CHD9: variants seen among roughly 807,000 people sequenced by gnomAD.
CHD9 encodes chromodomain helicase DNA binding protein 9.
CHD9 carries 77 observed loss-of-function variants against 316.1 expected under a neutral mutation model. The observed-to-expected ratio is 0.24, with a 90% CI of 0.20 to 0.29. CHD9 has a LOEUF of 0.29. Among genes scored for constraint, CHD9 ranks in the 10% least tolerant of loss-of-function variants. The pLI, the probability that CHD9 is intolerant of heterozygous loss-of-function variation, is 1.00. For synonymous variants in CHD9, 1,129 were observed against 1,158.3 expected (o/e 0.97, Z 0.51); for missense variants, 2,763 against 3,438.1 (o/e 0.80, Z 4.91).
chr16:53,199,769 TA>T (rs2045274125), intron 2 of CHD9, among the ~76,000 whole-genome samples: 1 of 152,164 alleles, frequency 6.6e-6, no homozygotes, highest in Non-Finnish European at 1.5e-5. Flanking sequence ...TCTTGACCAT[TA>T]AACTATTCTT....
intron 1 of CHD9, among the ~76,000 whole-genome samples, chr16:53,104,018 A>G (rs1419937544): frequency 2.0e-5 from 3 of 152,200 alleles, no homozygotes; most frequent in African/African-American, 4.8e-5. Flanking sequence ...TTCATTGCAC[A>G]GGATTCTTGC....
intron 22 of CHD9, among the ~76,000 whole-genome samples, chr16:53,271,785 TAAA>T (rs1404012119): frequency 6.6e-6 from 1 of 151,860 alleles, no homozygotes; most frequent in African/African-American, 2.4e-5. Context: ...AATGAAAAAG[TAAA>T]AAGAAGATTG....
chr16:53,073,706 G>T (rs930098191), intron 1 of CHD9, among the ~76,000 whole-genome samples: 1 of 152,170 alleles, frequency 6.6e-6, no homozygotes, highest in Non-Finnish European at 1.5e-5. Flanking sequence ...AGGGGTTTTT[G>T]CTTTTGCATC....
At position 53,284,076 on chromosome 16, in the gene CHD9, A is replaced by G. The variant is rs537726021; in HGVS notation, c.4968-1520A>G. 4.6e-5 allele frequency among the ~76,000 whole-genome samples: 7 copies of G among 152,244 alleles called. 1 individual carries two copies. The South Asian group carries it at 8.3e-4, about 18-fold the overall frequency. ...TTTATATAAAAATTTGAGTTTCCAA[A>G]GACAGCCAACTTAGAATCTAACTTT... On this transcript the variant is annotated intron_variant, in intron 24 of 38. Coordinates refer to ENST00000447540, the MANE Select transcript of CHD9 (RefSeq NM_001308319.2).
chr16:53,255,322 A>T (rs60284226), intron 18 of CHD9, among the ~76,000 whole-genome samples: 5,053 of 152,276 alleles, frequency 0.033, 292 homozygotes, highest in African/African-American at 0.11. Flanking sequence ...AAGAAAAAAA[A>T]TAAAAAATAA....
Position 53,324,995 on chromosome 16 carries a change from C to A in CHD9, c.*100C>A. 1 of 992,090 alleles carries A rather than the reference C, an allele frequency of 1.0e-6. No homozygotes were observed. The highest frequency in any genetic ancestry group is 1.4e-6 in the Non-Finnish European group (1 of 695,678). The allele number at this position is 992,090 out of a possible 1,614,324, so 61.5% of individuals were successfully genotyped here. ...GTTGAGTGCATCAATAACTTACTGA[C>A]CGAACATTTCAGTTATTTGTTTAGA... On this transcript the variant is annotated 3_prime_UTR_variant, in exon 39 of 39. Transcript: ENST00000447540.
At chr16:53,175,935 T>C (rs980404255) in intron 2 of CHD9, among the ~76,000 whole-genome samples, 5 of 152,198 alleles carry the variant, frequency 3.3e-5, no homozygotes, top group East Asian at 3.8e-4. Flanking sequence ...GATTCAAAGA[T>C]AGGAGGCAGG....
intron 1 of CHD9, among the ~76,000 whole-genome samples, chr16:53,093,158 C>T (rs1406815424): frequency 6.6e-6 from 1 of 152,218 alleles, no homozygotes; most frequent in Admixed American, 6.5e-5. Context: ...GCCTCTCAGG[C>T]ACTAGGGCCA....
Position 53,194,103 on chromosome 16 carries a change from C to T in CHD9, c.1453-15379C>T, listed in dbSNP as rs1262970276. Among the ~76,000 whole-genome samples the T allele has an allele frequency of 2.6e-5, 4 of 152,086 alleles. No homozygotes were observed. The East Asian group carries it at 5.8e-4, about 22-fold the overall frequency. On this transcript the variant is annotated intron_variant, in intron 2 of 38. Coordinates refer to ENST00000447540, the MANE Select transcript of CHD9 (RefSeq NM_001308319.2). Reference sequence around the variant, plus strand: ...TGTCTAAGAAGGCTGGACACAGTGGCTTATGCCGTAATCCCAGTGCTGTGA... The same window carrying T: ...TGTCTAAGAAGGCTGGACACAGTGGTTTATGCCGTAATCCCAGTGCTGTGA...
chr16:53,258,182 A>G (rs952517282), intron 19 of CHD9, among the ~76,000 whole-genome samples: 2 of 152,288 alleles, frequency 1.3e-5, no homozygotes, highest in African/African-American at 2.4e-5. Context: ...ACCTTGAACA[A>G]TTAACCTCTT....
chr16:53,061,434 T>C (rs1214200123), intron 1 of CHD9, among the ~76,000 whole-genome samples: 1 of 152,116 alleles, frequency 6.6e-6, no homozygotes, highest in Non-Finnish European at 1.5e-5. Flanking sequence ...TGTGTCATAG[T>C]TGTAGTTTCC....
intron 37 of CHD9, among the ~76,000 whole-genome samples, chr16:53,320,872 T>C (rs879723343): frequency 6.6e-6 from 1 of 152,188 alleles, no homozygotes. Context: ...GTATTGGTTT[T>C]TGAGACCTAG....
chr16:53,152,311 A>G (rs1220753532), intron 1 of CHD9, among the ~76,000 whole-genome samples: 1 of 152,148 alleles, frequency 6.6e-6, no homozygotes, highest in Non-Finnish European at 1.5e-5. Context: ...TGTTATAAAT[A>G]TTTGACTGTT....
At chr16:53,097,676 G>A (rs760931807) in intron 1 of CHD9, among the ~76,000 whole-genome samples, 8 of 152,126 alleles carry the variant, frequency 5.3e-5, no homozygotes, top group Non-Finnish European at 8.8e-5. Context: ...AACTGTGTGT[G>A]GCACAGAGAG....
chr16:53,151,608 ATTC>A (rs2041123899), intron 1 of CHD9, among the ~76,000 whole-genome samples: 1 of 151,948 alleles, frequency 6.6e-6, no homozygotes, highest in African/African-American at 2.4e-5. Context: ...GGTAATTTCA[ATTC>A]TTCTATCTTC....
intron 1 of CHD9, among the ~76,000 whole-genome samples, chr16:53,076,441 G>A (rs2034534631): frequency 6.6e-6 from 1 of 152,078 alleles, no homozygotes; most frequent in African/African-American, 2.4e-5. Context: ...CAGGCATGGT[G>A]GCAGGCGCCT....
At chr16:53,120,930 T>C (rs2038700315) in intron 1 of CHD9, among the ~76,000 whole-genome samples, 1 of 151,514 alleles carries the variant, frequency 6.6e-6, no homozygotes, top group South Asian at 2.1e-4. Context: ...CACTTGAACA[T>C]GGAAGTTGGA....
chr16:53,086,338 C>T (rs938338381), intron 1 of CHD9, among the ~76,000 whole-genome samples: 4 of 152,260 alleles, frequency 2.6e-5, no homozygotes, highest in East Asian at 1.9e-4. Flanking sequence ...TCCCTGAGGC[C>T]CTCCTGGGGT....
At position 53,294,490 on chromosome 16, in the gene CHD9, G is replaced by T. The variant is rs116635789; in HGVS notation, c.5510+1438G>T. On this transcript the variant is annotated intron_variant, in intron 29 of 38. Transcript: ENST00000447540. The stretch of plus-strand genomic sequence containing the variant: ...CTCCCAATTCTGTGAGTTGACCCAG[G>T]TGCTGCTTCTGCTTTGTATGCTGTT... Among the ~76,000 whole-genome samples, 421 of 152,222 alleles carry T rather than the reference G, an allele frequency of 2.8e-3. 3 individuals carry two copies. The highest frequency in any genetic ancestry group is 9.8e-3 in the African/African-American group (408 of 41,540).
Sources: gnomAD v4.1 joint callset for allele counts (sites outside exome capture counted in the v4.1 genomes callset) on GRCh38, gnomAD v4.1.1 for gene constraint, MANE v1.5 for transcripts, NCBI Gene and HGNC (gene_info 2026-07-23, HGNC 2026-07-21) for gene names.